The following MED12L variants were observed in gnomAD, a reference collection of about 807,000 sequenced individuals.
MED12L encodes mediator of RNA polymerase II transcription subunit 12-like protein.
In MED12L, 60 loss-of-function variants were observed where a neutral mutation model predicts 281.3. The ratio of observed to expected loss-of-function variants is 0.21; its 90% CI spans 0.17 to 0.26. The LOEUF (loss-of-function observed/expected upper bound fraction) is 0.26. Among genes scored for constraint, MED12L ranks in the 10% least tolerant of loss-of-function variants. The probability of loss-of-function intolerance (pLI) is 1.00; values close to 1 mark genes in which losing one functional copy is unlikely to be tolerated. For synonymous variants in MED12L, 974 were observed against 987.2 expected, an observed-to-expected ratio of 0.99 and a Z score of 0.25; for missense variants, 2,146 against 2,680.9, an observed-to-expected ratio of 0.80 and a Z score of 4.41.
chr3:151,390,443 TATA>T (rs1179497560), intron 38 of MED12L, among the ~76,000 whole-genome samples: 1 of 152,268 alleles, frequency 6.6e-6, no homozygotes, highest in Non-Finnish European at 1.5e-5. Context: ...TTTTATCAGA[TATA>T]ATTCTTATTG....
In MED12L at chr3:151,385,015, CTCTT is replaced by C. The variant is rs752519017; in HGVS notation, c.4927-13_4927-10del. On this transcript the variant is annotated splice_polypyrimidine_tract_variant and intron_variant, in intron 35 of 44. Coordinates refer to ENST00000687756, the MANE Select transcript of MED12L (RefSeq NM_001393769.1). ...GTCCCACTTCTCACTCTCTCTCTCTCTCTTTTTTCTTTAGAAAGAGCTAGGAGAC... is the reference window on the plus strand; with the variant it reads ...GTCCCACTTCTCACTCTCTCTCTCTCTTTTCTTTAGAAAGAGCTAGGAGAC... 2.2e-6 allele frequency: 3 copies of C among 1,339,572 alleles called. No individual in the cohort carries two copies. Among genetic ancestry groups the C allele is most frequent in the Admixed American group, 1.7e-5 (1 of 58,006 alleles). 83.0% of individuals were successfully genotyped at this position (1,339,572 alleles called of 1,614,324 possible). A position where few individuals can be genotyped will look rare whatever the true frequency, so the allele number is the denominator to read the frequency against.
At chr3:151,306,542 T>C (rs753378422) in intron 16 of MED12L, among the ~76,000 whole-genome samples, 2 of 152,244 alleles carry the variant, frequency 1.3e-5, no homozygotes, top group Non-Finnish European at 2.9e-5. Flanking sequence ...AGAAGGGCTA[T>C]GGGAGGACAA....
chr3:151,398,866 C>T (rs1031304101), intron 39 of MED12L, among the ~76,000 whole-genome samples: 23 of 152,066 alleles, frequency 1.5e-4, no homozygotes, highest in African/African-American at 5.6e-4. Context: ...ATAAATTAGG[C>T]TCAGTAAGAT....
intron 30 of MED12L, 144 bp from the exon 31 acceptor site, chr3:151,377,868 G>A: frequency 1.4e-6 from 1 of 727,066 alleles, no homozygotes; most frequent in Non-Finnish European, 2.0e-6. Flanking sequence ...TCGGAAAAAG[G>A]AAAGATAATA....
chr3:151,159,044 G>A (rs1450452027), intron 7 of MED12L, among the ~76,000 whole-genome samples: 1 of 152,112 alleles, frequency 6.6e-6, no homozygotes, highest in Non-Finnish European at 1.5e-5. Flanking sequence ...TACCCACATT[G>A]ATTTCTCCTA....
intron 16 of MED12L, among the ~76,000 whole-genome samples, chr3:151,277,888 C>A (rs939876721): frequency 2.0e-5 from 3 of 152,176 alleles, no homozygotes; most frequent in African/African-American, 7.2e-5. Context: ...CAATTGCAAA[C>A]AAAGACATAC....
chr3:151,202,409 G>A (rs1408952889), intron 16 of MED12L, among the ~76,000 whole-genome samples: 3 of 152,246 alleles, frequency 2.0e-5, no homozygotes, highest in Admixed American at 6.5e-5. Flanking sequence ...AGTGGCTCAC[G>A]CCTGTAATCC....
intron 16 of MED12L, among the ~76,000 whole-genome samples, chr3:151,208,314 A>C (rs1212986053): frequency 6.6e-6 from 1 of 152,228 alleles, no homozygotes; most frequent in Non-Finnish European, 1.5e-5. Context: ...TCCTTTAGAA[A>C]GATAATGGTT....
At chr3:151,130,568 T>C (rs1234046803) in intron 5 of MED12L, among the ~76,000 whole-genome samples, 1 of 152,200 alleles carries the variant, frequency 6.6e-6, no homozygotes, top group Non-Finnish European at 1.5e-5. Context: ...TGCCCAGAAT[T>C]CTTGCATGGC....
intron 17 of MED12L, among the ~76,000 whole-genome samples, chr3:151,353,143 C>T (rs954606302): frequency 1.3e-5 from 2 of 152,070 alleles, no homozygotes; most frequent in African/African-American, 4.8e-5. Flanking sequence ...AAAAGGTGCA[C>T]TTGGGAGTTT....
chr3:151,255,086 GA>G (rs1737571408), intron 16 of MED12L, among the ~76,000 whole-genome samples: 1 of 152,032 alleles, frequency 6.6e-6, no homozygotes, highest in African/African-American at 2.4e-5. Context: ...AAAATGTAGA[GA>G]AGCGCTTAAA....
At chr3:151,158,640 G>GT (rs758691545) in intron 6 of MED12L, 49 bp from the exon 7 acceptor site, 192 of 1,295,664 alleles carry the variant, frequency 1.5e-4, no homozygotes, top group Middle Eastern at 4.6e-4. Flanking sequence ...TGCCTTTTTT[G>GT]TTTTTTTTCT....
In MED12L at chr3:151,365,199, G is replaced by A. The variant is rs756760999; in HGVS notation, c.3178G>A (p.Ala1060Thr). 40 of 1,613,238 alleles carry A rather than the reference G, an allele frequency of 2.5e-5. No individual in the cohort carries two copies. The East Asian group carries it at 8.7e-4, about 35-fold the overall frequency. ...LMNVCMGHQD[A>T]GRINDIANFS... ...GAATGTATGTATGGGCCATCAGGAT[G>A]CTGGCAGGTGAGATGGGTTACCCTG... Residue 1060 changes from alanine (A) to threonine (T), a missense_variant, in exon 22 of 45, where the codon GCT becomes ACT. Ala to Thr is a moderately conservative substitution (Grantham distance 58). Around this residue, in one of 9 missense-constraint regions of MED12L, gnomAD observed 404 missense variants for 603.5 expected, o/e 0.67. Coordinates refer to ENST00000687756, the MANE Select transcript of MED12L (RefSeq NM_001393769.1).
chr3:151,232,672 A>G (rs1023253238), intron 16 of MED12L, among the ~76,000 whole-genome samples: 3 of 152,212 alleles, frequency 2.0e-5, no homozygotes, highest in Non-Finnish European at 4.4e-5. Flanking sequence ...TATCCTTAGT[A>G]AACTAACAAA....
chr3:151,290,212 T>C (rs758818030), intron 16 of MED12L, among the ~76,000 whole-genome samples: 11 of 152,166 alleles, frequency 7.2e-5, no homozygotes, highest in Non-Finnish European at 1.3e-4. Context: ...CAAAGAGAAG[T>C]TGGCCAGTTT....
At chr3:151,351,504 T>C (rs1753235215) in intron 17 of MED12L, among the ~76,000 whole-genome samples, 1 of 152,204 alleles carries the variant, frequency 6.6e-6, no homozygotes, top group Non-Finnish European at 1.5e-5. Flanking sequence ...TGTGTCATTA[T>C]TGAGTTTGAA....
intron 16 of MED12L, among the ~76,000 whole-genome samples, chr3:151,334,091 A>G (rs185441412): frequency 1.0e-3 from 158 of 152,172 alleles, no homozygotes; most frequent in African/African-American, 3.4e-3. Context: ...AAAAGAAAAA[A>G]AATCTTTTAA....
intron 16 of MED12L, among the ~76,000 whole-genome samples, chr3:151,200,593 T>A (rs1725406902): frequency 6.6e-6 from 1 of 152,238 alleles, no homozygotes; most frequent in Admixed American, 6.5e-5. Flanking sequence ...TAATGATCCT[T>A]TGTGTGCATT....
chr3:151,387,704 G>T, intron 36 of MED12L, 106 bp from the exon 37 acceptor site: 1 of 1,377,614 alleles, frequency 7.3e-7, no homozygotes, highest in Non-Finnish European at 9.9e-7. Context: ...GTTCTCTAGG[G>T]CTCATGCCAG....
Sources: allele counts gnomAD v4.1 joint callset (sites outside exome capture counted in the v4.1 genomes callset), GRCh38; gene constraint gnomAD v4.1.1; regional missense constraint gnomAD v4.1.1; transcripts MANE v1.5; gene names NCBI Gene and HGNC (gene_info 2026-07-23, HGNC 2026-07-21).